Variants in FYB1 observed in about 807,000 individuals in gnomAD.
The protein encoded by FYB1 is FYN-binding protein 1.
In FYB1, 41 loss-of-function variants were observed where a neutral mutation model predicts 94.1. The ratio of observed to expected loss-of-function variants is 0.44; its 90% confidence interval spans 0.34 to 0.57. The LOEUF is 0.57. Ranked by LOEUF, FYB1 falls within the 20% of genes least tolerant of loss-of-function variation. The pLI is 0.02. For missense variants in FYB1, 1,050 were observed against 976.8 expected, an observed-to-expected ratio of 1.07 and a Z score of -1.00; for synonymous variants, 367 against 353.2, an observed-to-expected ratio of 1.04 and a Z score of -0.44.
chr5:39,141,233 CT>C, intron 3 of FYB1, 92 bp from the exon 4 acceptor site: 1 of 908,744 alleles, frequency 1.1e-6, no homozygotes, highest in Admixed American at 2.3e-5. Context: ...ATGAATTGTT[CT>C]TTTTTCTTGA....
rs185318137 is a variant in FYB1 at position 39,228,676 on chromosome 5, G to A, written c.-27-25689C>T. Among the ~76,000 whole-genome samples the A allele has an allele frequency of 1.6e-3, 245 of 152,124 alleles. 1 individual carries two copies. Among genetic ancestry groups the A allele is most frequent in the African/African-American group, 5.3e-3 (220 of 41,506 alleles). On this transcript the variant is annotated intron_variant, in intron 1 of 1. Transcript: ENST00000510188. ...ACATTTTTTGATACCGTATTTCCCC[G>A]TAATTCCCCAGTGGTTAAAGAAAGA...
chr5:39,203,115 T>A, intron 1 of FYB1, 128 bp from the exon 2 acceptor site: 1 of 743,658 alleles, frequency 1.3e-6, no homozygotes. Flanking sequence ...CAAGATATTG[T>A]AACATTTATC....
chr5:39,249,267 C>T (rs112865131), intron 1 of FYB1, among the ~76,000 whole-genome samples: 2 of 152,202 alleles, frequency 1.3e-5, no homozygotes, highest in South Asian at 4.1e-4. Context: ...ATCCACTAGG[C>T]CAGATGTCAG....
chr5:39,259,521 A>T (rs1451413207), intron 1 of FYB1, among the ~76,000 whole-genome samples: 6 of 152,196 alleles, frequency 3.9e-5, no homozygotes, highest in Non-Finnish European at 7.3e-5. Context: ...AAACTAACCA[A>T]CCGATCAACA....
At chr5:39,273,785 A>G (rs1170815332) in intron 1 of FYB1, among the ~76,000 whole-genome samples, 2 of 152,188 alleles carry the variant, frequency 1.3e-5, no homozygotes, top group Non-Finnish European at 2.9e-5. Flanking sequence ...TGTGAGGTCT[A>G]GAAGAATGGG....
At chr5:39,122,856 C>G (rs1740259861) in intron 13 of FYB1, among the ~76,000 whole-genome samples, 1 of 152,102 alleles carries the variant, frequency 6.6e-6, no homozygotes, top group African/African-American at 2.4e-5. Flanking sequence ...TTCCTCCTTT[C>G]CTTCGCCTCA....
At chr5:39,257,972 T>A (rs1752036632) in intron 1 of FYB1, among the ~76,000 whole-genome samples, 1 of 152,168 alleles carries the variant, frequency 6.6e-6, no homozygotes, top group South Asian at 2.1e-4. Context: ...GTTTGGGAGA[T>A]CTCAAACTTG....
chr5:39,206,785 C>T (rs960846698), intron 1 of FYB1, among the ~76,000 whole-genome samples: 11 of 152,144 alleles, frequency 7.2e-5, no homozygotes, highest in East Asian at 1.9e-4. Context: ...TGTTGCTAAC[C>T]GGTGCATATG....
chr5:39,174,002 T>C (rs1009153641), intron 2 of FYB1, among the ~76,000 whole-genome samples: 17 of 152,178 alleles, frequency 1.1e-4, no homozygotes, highest in Non-Finnish European at 2.1e-4. Flanking sequence ...ATTTTGATAG[T>C]GATAGCATTG....
intron 2 of FYB1, among the ~76,000 whole-genome samples, chr5:39,188,660 T>C (rs1277522019): frequency 6.6e-6 from 1 of 151,266 alleles, no homozygotes; most frequent in Non-Finnish European, 1.5e-5. Flanking sequence ...CTTTCCCAAG[T>C]AGCTGGGGTT....
chr5:39,187,972 A>G (rs765083194), intron 2 of FYB1, among the ~76,000 whole-genome samples: 1 of 152,164 alleles, frequency 6.6e-6, no homozygotes, highest in Non-Finnish European at 1.5e-5. Context: ...AAACAGGAAA[A>G]AGAAAGAAAG....
At chr5:39,270,835 A>T in intron 1 of FYB1, 1 of 403,182 alleles carries the variant, frequency 2.5e-6, no homozygotes, top group Non-Finnish European at 4.4e-6. Flanking sequence ...AAGACTGAAA[A>T]ATTGACACAA....
At chr5:39,215,972 A>G (rs1253997088) in intron 1 of FYB1, among the ~76,000 whole-genome samples, 1 of 152,158 alleles carries the variant, frequency 6.6e-6, no homozygotes, top group Non-Finnish European at 1.5e-5. Context: ...ACAGCAGAAG[A>G]GGAGAGGGCC....
intron 1 of FYB1, among the ~76,000 whole-genome samples, chr5:39,253,440 T>A (rs13356837): frequency 0.32 from 48,749 of 151,950 alleles, 9,479 homozygotes; most frequent in African/African-American, 0.55. Context: ...TCATGAATCC[T>A]TGGGAAATGA....
intron 1 of FYB1, among the ~76,000 whole-genome samples, chr5:39,233,353 T>G (rs1750828964): frequency 6.6e-6 from 1 of 151,966 alleles, no homozygotes; most frequent in Non-Finnish European, 1.5e-5. Context: ...AGAAACAGAG[T>G]TCTATTGGCT....
intron 2 of FYB1, among the ~76,000 whole-genome samples, chr5:39,196,462 TG>T (rs1407604147): frequency 1.3e-5 from 2 of 152,314 alleles, no homozygotes; most frequent in East Asian, 3.9e-4. Context: ...CCCAAAGTGC[TG>T]GGATTACAGG....
intron 14 of FYB1, 26 bp downstream of exon 14, chr5:39,122,310 C>T (rs1383361533): frequency 2.9e-6 from 4 of 1,400,230 alleles, no homozygotes. Flanking sequence ...TTCATTACTT[C>T]ATTGTAATGA....
chr5:39,218,163 G>C (rs1403732623), intron 1 of FYB1, among the ~76,000 whole-genome samples: 1 of 152,206 alleles, frequency 6.6e-6, no homozygotes, highest in African/African-American at 2.4e-5. Context: ...TTTCTCAAGG[G>C]AAATGGAAAC....
Position 39,126,058 on chromosome 5 carries a change from C to G in FYB1, c.1985G>C (p.Arg662Thr). The G allele has an allele frequency of 6.2e-7, 1 of 1,613,426 alleles. No individual in the cohort carries two copies. Among genetic ancestry groups the G allele is most frequent in the South Asian group, 1.1e-5 (1 of 91,072 alleles). ...ILKMLKGKDD[R>T]KKSIREKPKV... ...AGGTTTCTCTCGTATACTTTTCTTT[C>G]TGTCATCTTTTCCCTTTAACATCTT... is the stretch of plus-strand genomic sequence containing the variant. Residue 662 changes from arginine (R) to threonine (T), a missense_variant, in exon 12 of 19, where the codon AGA (arginine) becomes ACA (threonine). Physicochemically the swap from Arg to Thr is moderately conservative, Grantham distance 71. Transcript: ENST00000512982.
Sources: gnomAD v4.1 joint callset for allele counts (sites outside exome capture counted in the v4.1 genomes callset) on GRCh38, gnomAD v4.1.1 for gene constraint, MANE v1.5 for transcripts, NCBI Gene and HGNC (gene_info 2026-07-23, HGNC 2026-07-21) for gene names.